ZNF423: variants seen among roughly 807,000 people sequenced by gnomAD.
ZNF423 encodes the protein zinc finger protein 423, also known as Ebf-associated zinc finger protein.
Under a neutral mutation model 95.8 loss-of-function variants are expected in ZNF423, and 12 were observed. That is an observed-to-expected ratio of 0.13 (90% CI 0.08 to 0.20). The LOEUF is 0.20. Among genes scored for constraint, ZNF423 ranks in the 10% least tolerant of loss-of-function variants. The pLI, the probability that ZNF423 is intolerant of heterozygous loss-of-function variation, is 1.00. For missense variants in ZNF423, 1,316 were observed against 1,737.1 expected, an observed-to-expected ratio of 0.76 and a Z score of 4.31; for synonymous variants, 749 against 711.9, an observed-to-expected ratio of 1.05 and a Z score of -0.83.
chr16:49,494,087 C>T (rs1170115304), intron 7 of ZNF423, among the ~76,000 whole-genome samples: 2 of 152,162 alleles, frequency 1.3e-5, no homozygotes, highest in African/African-American at 4.8e-5. Flanking sequence ...ACACACATGG[C>T]CCACACTGGC....
chr16:49,504,475 G>A (rs1347297908), intron 7 of ZNF423, among the ~76,000 whole-genome samples: 1 of 152,106 alleles, frequency 6.6e-6, no homozygotes, highest in African/African-American at 2.4e-5. Context: ...CCAGCTACTC[G>A]GGAGGCTGAG....
At chr16:49,671,333 C>T (rs919378357) in intron 3 of ZNF423, among the ~76,000 whole-genome samples, 3 of 152,206 alleles carry the variant, frequency 2.0e-5, no homozygotes, top group African/African-American at 4.8e-5. Flanking sequence ...GCAGCAGCCA[C>T]GTCCAAAACA....
At chr16:49,746,563 C>T (rs544235768) in intron 2 of ZNF423, among the ~76,000 whole-genome samples, 33 of 152,210 alleles carry the variant, frequency 2.2e-4, no homozygotes, top group African/African-American at 7.0e-4. Context: ...CTGCAACCTC[C>T]GCCTCCTGAG....
rs1457593936 is a variant in ZNF423 at position 49,824,737 on chromosome 16, A to T, written c.40+30998T>A. On this transcript the variant is annotated intron_variant, in intron 1 of 7. Transcript: ENST00000563137. ...CAGGAGCTTTTCTGGGTCTCACTCCAGAAGGAAACCTGACCCCTTGCTTTC... is the reference window on the plus strand; with the variant it reads ...CAGGAGCTTTTCTGGGTCTCACTCCTGAAGGAAACCTGACCCCTTGCTTTC... Among the ~76,000 whole-genome samples the T allele has an allele frequency of 3.3e-5, 5 of 152,182 alleles. No homozygotes were observed. The East Asian group carries it at 9.7e-4, about 29-fold the overall frequency.
chr16:49,829,974 G>A (rs2035044882), intron 1 of ZNF423, among the ~76,000 whole-genome samples: 1 of 152,182 alleles, frequency 6.6e-6, no homozygotes, highest in Non-Finnish European at 1.5e-5. Flanking sequence ...GGACACAAGA[G>A]TGGGCAAGTC....
At chr16:49,773,822 A>T (rs964391510) in intron 2 of ZNF423, among the ~76,000 whole-genome samples, 1 of 152,232 alleles carries the variant, frequency 6.6e-6, no homozygotes, top group African/African-American at 2.4e-5. Context: ...GCAAGGACTC[A>T]GTGAGGCAAT....
intron 1 of ZNF423, 70 bp from the exon 2 acceptor site, chr16:49,789,616 C>A (rs908555757): frequency 2.0e-6 from 3 of 1,488,030 alleles, no homozygotes; most frequent in African/African-American, 2.9e-5. Flanking sequence ...AGGCACAGGG[C>A]GAGGAAGAAG....
chr16:49,617,290 A>T (rs1477520340), intron 5 of ZNF423, among the ~76,000 whole-genome samples: 1 of 152,218 alleles, frequency 6.6e-6, no homozygotes, highest in Non-Finnish European at 1.5e-5. Context: ...CTGGGTGCTC[A>T]GGACAGAGGG....
intron 3 of ZNF423, among the ~76,000 whole-genome samples, chr16:49,668,732 C>A (rs2030659724): frequency 6.6e-6 from 1 of 152,174 alleles, no homozygotes. Context: ...CCTGCAGGCT[C>A]TCCCAGCCCC....
chr16:49,710,623 G>T (rs936538244), intron 3 of ZNF423, among the ~76,000 whole-genome samples: 1 of 152,154 alleles, frequency 6.6e-6, no homozygotes, highest in East Asian at 1.9e-4. Context: ...CAGAGCAGCC[G>T]GGTGCCACTG....
At chr16:49,652,940 G>T (rs891322487) in intron 3 of ZNF423, among the ~76,000 whole-genome samples, 1 of 152,152 alleles carries the variant, frequency 6.6e-6, no homozygotes, top group Non-Finnish European at 1.5e-5. Context: ...TAAATGAAAG[G>T]AGTGAACAGA....
intron 5 of ZNF423, among the ~76,000 whole-genome samples, chr16:49,581,136 C>T (rs534327002): frequency 2.0e-5 from 3 of 151,094 alleles, no homozygotes; most frequent in African/African-American, 4.8e-5. Context: ...GGAAGAGAGG[C>T]GGTATGTTCC....
At chr16:49,673,467 C>T (rs146890706) in intron 3 of ZNF423, among the ~76,000 whole-genome samples, 2 of 152,202 alleles carry the variant, frequency 1.3e-5, no homozygotes, top group African/African-American at 2.4e-5. Context: ...GCCTGGACTG[C>T]GGGTGCTTGT....
chr16:49,746,027 G>A (rs6500250), intron 2 of ZNF423, among the ~76,000 whole-genome samples: 86,227 of 151,844 alleles, frequency 0.57, 24,908 homozygotes, highest in African/African-American at 0.68. Context: ...GAGGAAGTAC[G>A]TAATTTCATC....
chr16:49,603,105 A>C lies in ZNF423; in HGVS notation c.3601+23065T>G, dbSNP rs1291916045. On this transcript the variant is annotated intron_variant, in intron 5 of 7. Coordinates refer to ENST00000563137, the MANE Select transcript of ZNF423 (RefSeq NM_001379286.1). The surrounding 1 kb of genome is among the most constrained non-coding windows in gnomAD (Gnocchi z 4.1). ...GAGAAAAGGGTCTGGATGGGAGGAT[A>C]CCAGCCCATCACCAAGCAGCCTCTC... Among the ~76,000 whole-genome samples the C allele has an allele frequency of 1.3e-5, 2 of 152,198 alleles. No individual in the cohort carries two copies. The highest frequency in any genetic ancestry group is 4.8e-5 in the African/African-American group (2 of 41,452).
chr16:49,682,011 T>G (rs968224407), intron 3 of ZNF423, among the ~76,000 whole-genome samples: 3 of 151,772 alleles, frequency 2.0e-5, no homozygotes, highest in African/African-American at 7.3e-5. Context: ...TCTCCCCTTT[T>G]GCTCTCTGCC....
rs1555488137 is a variant in ZNF423 at position 49,815,871 on chromosome 16, A to AAACAAAC, written c.41-26326_41-26325insGTTTGTT. ...TGTTACATTCTAATTCCAAACAAACAAAAAAAAAAAATATATATATATATA... is the reference window on the plus strand; with the variant it reads ...TGTTACATTCTAATTCCAAACAAACAAACAAACAAAAAAAAAAATATATATATATATA... On this transcript the variant is annotated intron_variant, in intron 1 of 7. Transcript: ENST00000563137. Among the ~76,000 whole-genome samples the AAACAAAC allele has an allele frequency of 6.2e-3, 160 of 25,818 alleles. 1 individual carries two copies. In the South Asian group the frequency reaches 0.085, roughly 14 times the overall value. The allele number at this position is 25,818 out of a possible 152,430, so 16.9% of individuals were successfully genotyped here.
chr16:49,515,509 CG>C (rs1567436511), intron 7 of ZNF423, among the ~76,000 whole-genome samples: 3 of 152,224 alleles, frequency 2.0e-5, no homozygotes, highest in African/African-American at 7.2e-5. Context: ...AAATGACCCT[CG>C]GCAAACCGCT....
intron 3 of ZNF423, among the ~76,000 whole-genome samples, chr16:49,697,116 C>A (rs1266403280): frequency 6.6e-6 from 1 of 152,154 alleles, no homozygotes; most frequent in Non-Finnish European, 1.5e-5. Context: ...GGGCTCAGGA[C>A]CTTGCTTCCA....
Sources: allele counts gnomAD v4.1 joint callset (sites outside exome capture counted in the v4.1 genomes callset), GRCh38; gene constraint gnomAD v4.1.1; non-coding constraint Gnocchi (gnomAD v3.1); transcripts MANE v1.5; gene names NCBI Gene and HGNC (gene_info 2026-07-23, HGNC 2026-07-21).